The following BCL2L14 variants were observed in gnomAD, a reference collection of about 807,000 sequenced individuals.
BCL2L14 encodes the protein BCL2 like 14.
In BCL2L14, 27 loss-of-function variants were observed where a neutral mutation model predicts 35.3. The observed-to-expected ratio is 0.76, with a 90% CI of 0.56 to 1.05. BCL2L14 has a LOEUF of 1.05. Ranked by LOEUF, BCL2L14 falls within the 50% of genes least tolerant of loss-of-function variation. BCL2L14 has a pLI of 0.00. For synonymous variants in BCL2L14, 139 were observed against 145.9 expected, an observed-to-expected ratio of 0.95 and a Z score of 0.34; for missense variants, 377 against 382.6, an observed-to-expected ratio of 0.99 and a Z score of 0.12.
At position 12,094,704 on chromosome 12, in the gene BCL2L14, G is replaced by A. The variant is rs1591838620; in HGVS notation, c.719G>A (p.Gly240Glu). 1 of 1,614,174 alleles carries A rather than the reference G, an allele frequency of 6.2e-7. No homozygotes were observed. The highest frequency in any genetic ancestry group is 1.7e-5 in the Admixed American group (1 of 60,018). The change falls in exon 5 of 6, where the codon GGG becomes GAG. Residue 240 changes from glycine to glutamate, a missense_variant. Gly to Glu is a moderately conservative substitution (Grantham distance 98). Transcript: ENST00000308721. ...GCTTTGATGGGCCACTTCCAGGATG[G>A]GCTGTCCTACTCTGTTTTCAAGACC... ...DKALMGHFQD[G>E]LSYSVFKTIT...
chr12:12,071,802 A>G (rs941140820), intron 1 of BCL2L14: 3 of 152,008 alleles, frequency 2.0e-5, no homozygotes, highest in Non-Finnish European at 4.4e-5. Context: ...TTCAGCTTCT[A>G]TTGTGGGAAG....
At position 12,094,119 on chromosome 12, in the gene BCL2L14, AAAG is replaced by A. The variant is rs1209385805; in HGVS notation, c.679-542_679-540del. 1.8e-4 allele frequency among the ~76,000 whole-genome samples: 27 copies of A among 151,274 alleles called. No individual in the cohort carries two copies. The East Asian group carries it at 4.5e-3, about 25-fold the overall frequency. ...TGAAACCCTGTCTTAAAAAAAAAAA[AAAG>A]AAAGAAAACAATTACCCTATAGTAT... On this transcript the variant is annotated intron_variant, in intron 4 of 5. Coordinates refer to ENST00000308721, the MANE Select transcript of BCL2L14 (RefSeq NM_138723.2).
intron 2 of BCL2L14, among the ~76,000 whole-genome samples, chr12:12,084,292 C>T (rs757934473): frequency 2.6e-5 from 4 of 152,150 alleles, no homozygotes; most frequent in East Asian, 3.8e-4. Context: ...CTTGAAACTG[C>T]CCCCAGCTTC....
rs1344654993 is a variant in BCL2L14 at position 12,099,401 on chromosome 12, A to C, written c.*413A>C. The stretch of plus-strand genomic sequence containing the variant: ...TCCGTTTCTAGTACTATTTATTTTT[A>C]AACTACACTTGGGGTGGCCTAATAC... On this transcript the variant is annotated 3_prime_UTR_variant, in exon 6 of 6. Coordinates refer to ENST00000308721, the MANE Select transcript of BCL2L14 (RefSeq NM_138723.2). 1 of 174,532 alleles carries C rather than the reference A, an allele frequency of 5.7e-6. No homozygotes were observed. The highest frequency in any genetic ancestry group is 2.4e-5 in the African/African-American group (1 of 41,756). 10.8% of individuals were successfully genotyped at this position (174,532 alleles called of 1,614,324 possible).
At position 12,085,726 on chromosome 12, in the gene BCL2L14, G is replaced by A. The variant is rs570721663; in HGVS notation, c.434-1487G>A. On this transcript the variant is annotated intron_variant, in intron 2 of 5. Coordinates refer to ENST00000308721, the MANE Select transcript of BCL2L14 (RefSeq NM_138723.2). The stretch of plus-strand genomic sequence containing the variant: ...GGACACTGAAGCCTTCAGCTTGGAG[G>A]AATCCAGGGAGAGGGATCAGGAGCC... 4.6e-5 allele frequency among the ~76,000 whole-genome samples: 7 copies of A among 152,258 alleles called. No individual in the cohort carries two copies. In the South Asian group the frequency reaches 1.2e-3, roughly 27 times the overall value.
At position 12,076,952 on chromosome 12, in the gene BCL2L14, C is replaced by T. The variant is rs139574449; in HGVS notation, c.-7-2347C>T. On this transcript the variant is annotated intron_variant, in intron 1 of 5. Coordinates refer to ENST00000308721, the MANE Select transcript of BCL2L14 (RefSeq NM_138723.2). ...GGAACAAAAAGGTGGCGTGACTTGCCCAAGGATGTTGCAGGTTAGAAGCTG... is the reference window on the plus strand; with the variant it reads ...GGAACAAAAAGGTGGCGTGACTTGCTCAAGGATGTTGCAGGTTAGAAGCTG... 4.3e-3 allele frequency among the ~76,000 whole-genome samples: 657 copies of T among 152,224 alleles called. 1 individual carries two copies. The highest frequency in any genetic ancestry group is 7.2e-3 in the Non-Finnish European group (490 of 68,014).
At chr12:12,051,772 G>A (rs1034693631) in intron 1 of BCL2L14, 2 of 152,206 alleles carry the variant, frequency 1.3e-5, no homozygotes, top group African/African-American at 4.8e-5. Context: ...ACCCTAAAGC[G>A]AATATTATCT....
intron 2 of BCL2L14, among the ~76,000 whole-genome samples, chr12:12,081,456 CAAAAA>C (rs531114346): frequency 1.1e-5 from 1 of 93,676 alleles, no homozygotes; most frequent in African/African-American, 3.7e-5. Flanking sequence ...ACTCTGTCTC[CAAAAA>C]AAAAAAAAAA....
chr12:12,068,977 C>A (rs945236290), upstream of BCL2L14, among the ~76,000 whole-genome samples: 1 of 152,154 alleles, frequency 6.6e-6, no homozygotes, highest in African/African-American at 2.4e-5. Context: ...AGGGTTTTCC[C>A]ATTTCAGACA....
chr12:12,070,114 C>T (rs1187343523), upstream of BCL2L14, among the ~76,000 whole-genome samples: 1 of 152,204 alleles, frequency 6.6e-6, no homozygotes, highest in Non-Finnish European at 1.5e-5. Flanking sequence ...AATTCCATCT[C>T]TAAAGTTATG....
intron 4 of BCL2L14, among the ~76,000 whole-genome samples, chr12:12,092,800 C>T (rs759245325): frequency 2.6e-5 from 4 of 151,998 alleles, no homozygotes; most frequent in Admixed American, 6.6e-5. Context: ...TGGGGGTGGG[C>T]GTGGTTCAGG....
chr12:12,092,375 G>A (rs1232336740), intron 4 of BCL2L14, among the ~76,000 whole-genome samples: 2 of 152,172 alleles, frequency 1.3e-5, no homozygotes, highest in Non-Finnish European at 2.9e-5. Context: ...TCCTTTACAT[G>A]CTTCCCCAGT....
At chr12:12,050,814 G>GAA (rs764719291) in intron 1 of BCL2L14, among the ~76,000 whole-genome samples, 1 of 111,508 alleles carries the variant, frequency 9.0e-6, no homozygotes, top group African/African-American at 3.6e-5. Context: ...AAAAAAAAAA[G>GAA]AAAAGAAAAG....
intron 2 of BCL2L14, among the ~76,000 whole-genome samples, chr12:12,054,055 C>T (rs1416296343): frequency 1.3e-5 from 2 of 152,072 alleles, no homozygotes; most frequent in Admixed American, 1.3e-4. Context: ...GTTATGGGGG[C>T]CCTGACTTTG....
intron 3 of BCL2L14, among the ~76,000 whole-genome samples, chr12:12,089,818 C>T (rs1221598655): frequency 6.6e-6 from 1 of 152,166 alleles, no homozygotes; most frequent in East Asian, 1.9e-4. Context: ...TATATCCCAC[C>T]TTATTGTCAA....
chr12:12,066,856 G>A (rs1362498249), upstream of BCL2L14, among the ~76,000 whole-genome samples: 3 of 151,490 alleles, frequency 2.0e-5, no homozygotes, highest in Non-Finnish European at 2.9e-5. Flanking sequence ...GACTACAGGC[G>A]CCCACCACCA....
chr12:12,077,695 T>A (rs962539031), intron 1 of BCL2L14: 3 of 179,172 alleles, frequency 1.7e-5, no homozygotes, highest in African/African-American at 7.0e-5. Context: ...TTATTTACAA[T>A]TTGCCTGCAG....
intron 2 of BCL2L14, among the ~76,000 whole-genome samples, chr12:12,054,397 G>T (rs1401723209): frequency 1.3e-5 from 2 of 151,708 alleles, no homozygotes; most frequent in Admixed American, 1.3e-4. Context: ...CCAGTTACTT[G>T]GGAGGCTGAG....
At position 12,052,916 on chromosome 12, in the gene BCL2L14, T is replaced by A. The variant is rs185410622; in HGVS notation, c.-272+1069T>A. Among the ~76,000 whole-genome samples the A allele has an allele frequency of 2.5e-3, 379 of 152,308 alleles. 1 individual carries two copies. Among genetic ancestry groups the A allele is most frequent in the African/African-American group, 8.2e-3 (343 of 41,578 alleles). Reference sequence around the variant, plus strand: ...CCTAAAAGTGAGAAGCCTGCCCATATCAAGGGAGTGAGGTGTGTGTTTGGG... The same window carrying A: ...CCTAAAAGTGAGAAGCCTGCCCATAACAAGGGAGTGAGGTGTGTGTTTGGG... On this transcript the variant is annotated intron_variant, in intron 2 of 3. Coordinates refer to the BCL2L14 transcript ENST00000461264.
Sources: gnomAD v4.1 joint callset for allele counts (sites outside exome capture counted in the v4.1 genomes callset) on GRCh38, gnomAD v4.1.1 for gene constraint, MANE v1.5 for transcripts, NCBI Gene and HGNC (gene_info 2026-07-23, HGNC 2026-07-21) for gene names.